KIF21A: variants seen among roughly 807,000 people sequenced by gnomAD.
KIF21A encodes the protein kinesin family member 21A, also known as kinesin-like protein KIF21A.
In KIF21A, 114 loss-of-function variants were observed where a neutral mutation model predicts 202.9. That is an observed-to-expected ratio of 0.56 (90% confidence interval 0.48 to 0.66). The LOEUF (loss-of-function observed/expected upper bound fraction) is 0.66, where lower values mean the gene tolerates loss of function less well. KIF21A is among the 30% of genes least tolerant of loss of function. The pLI is 0.00. For synonymous variants in KIF21A, 667 were observed against 670.8 expected (o/e 0.99, Z 0.09); for missense variants, 1,677 against 1,994.9 (o/e 0.84, Z 3.04).
intron 37 of KIF21A, among the ~76,000 whole-genome samples, chr12:39,295,980 G>A (rs1336271627): frequency 1.4e-5 from 2 of 144,674 alleles, no homozygotes; most frequent in Non-Finnish European, 1.5e-5. Context: ...TAACAGGCGT[G>A]AGCCACTGCG....
intron 28 of KIF21A, among the ~76,000 whole-genome samples, chr12:39,319,669 G>A (rs1305254950): frequency 6.6e-6 from 1 of 151,982 alleles, no homozygotes; most frequent in Non-Finnish European, 1.5e-5. Context: ...TAACTGGCAA[G>A]TAAGTAAGTG....
intron 37 of KIF21A, among the ~76,000 whole-genome samples, 184 bp downstream of exon 37, chr12:39,301,296 C>G (rs570840836): frequency 2.3e-4 from 35 of 152,186 alleles, no homozygotes; most frequent in African/African-American, 8.4e-4. Context: ...GTCATGTAAC[C>G]TGGGGTGCCT....
At position 39,294,416 on chromosome 12, in the gene KIF21A, A is replaced by G; in HGVS notation, c.*8T>C. The G allele has an allele frequency of 6.3e-7, 1 of 1,594,210 alleles. No individual in the cohort carries two copies. Among genetic ancestry groups the G allele is most frequent in the Non-Finnish European group, 8.6e-7 (1 of 1,161,898 alleles). On this transcript the variant is annotated 3_prime_UTR_variant, in exon 38 of 38. Coordinates refer to ENST00000361418, the MANE Select transcript of KIF21A (RefSeq NM_001173464.2). ...AGCATTCAGTTTACAACCTATCTTC[A>G]TTCATGTTTAATTACTGGCAATATC... is the stretch of plus-strand genomic sequence containing the variant.
chr12:39,414,253 C>G (rs1485528987), intron 1 of KIF21A, among the ~76,000 whole-genome samples: 1 of 152,128 alleles, frequency 6.6e-6, no homozygotes, highest in Admixed American at 6.5e-5. Flanking sequence ...GTCCTTTTTA[C>G]TCTCTCCTCC....
Position 39,303,011 on chromosome 12 carries a change from T to G in KIF21A, c.4685A>C (p.Asp1562Ala). ...QGDNLFSGSR[D>A]NGIKKWDLTQ... ...TAAGTCCCATTTCTTGATTCCATTA[T>G]CTCTAGACCCACTAAATAGGTTATC... Residue 1562 changes from aspartate (D) to alanine (A), a missense_variant, in exon 36 of 38, where the codon GAT (aspartate) becomes GCT (alanine). By Grantham distance (126) the Asp-to-Ala change is moderately radical. Around this residue, in one of 3 missense-constraint regions of KIF21A, gnomAD observed 705 missense variants for 791.9 expected, o/e 0.89. Transcript: ENST00000361418. 1 of 1,614,038 alleles carries G rather than the reference T, an allele frequency of 6.2e-7. No homozygotes were observed. Among genetic ancestry groups the G allele is most frequent in the Non-Finnish European group, 8.5e-7 (1 of 1,179,914 alleles).
chr12:39,329,554 G>A (rs1389102164), intron 24 of KIF21A, among the ~76,000 whole-genome samples: 1 of 151,654 alleles, frequency 6.6e-6, no homozygotes, highest in Non-Finnish European at 1.5e-5. Flanking sequence ...ATAAAAAAAA[G>A]AAGAGGAAGA....
rs1945411013 is a variant in KIF21A, at chr12:39,322,670, G to T, written c.3669C>A (p.Ser1223Arg). The T allele has an allele frequency of 6.2e-7, 1 of 1,613,184 alleles. No individual in the cohort carries two copies. Among genetic ancestry groups the T allele is most frequent in the Non-Finnish European group, 8.5e-7 (1 of 1,179,276 alleles). ...PPPGLPSKIG[S>R]ISRQSSLSEK... Reference sequence around the variant, plus strand: ...TAGTGTAGCTGGGCCAAACTTACATGCTGCCTATCTTAGAAGGTAAGCCAG... The same window carrying T: ...TAGTGTAGCTGGGCCAAACTTACATTCTGCCTATCTTAGAAGGTAAGCCAG... Residue 1223 changes from serine (S) to arginine (R), a missense_variant and splice_region_variant, in exon 27 of 38, where the codon AGC becomes AGA. Physicochemically the swap from Ser to Arg is moderately radical, Grantham distance 110. This residue lies in a region of KIF21A where 705 missense variants were observed against 791.9 expected (regional missense o/e 0.89). Transcript: ENST00000361418.
intron 1 of KIF21A, among the ~76,000 whole-genome samples, chr12:39,431,285 G>C (rs1275976505): frequency 6.6e-6 from 1 of 152,158 alleles, no homozygotes; most frequent in Non-Finnish European, 1.5e-5. Context: ...GACCCCAGTT[G>C]GGACAAAAGG....
Position 39,442,961 on chromosome 12 carries a change from C to A in KIF21A, c.10G>T (p.Ala4Ser), listed in dbSNP as rs2140543663. The change falls in exon 1 of 38, where the codon GCC becomes TCC. Residue 4 changes from alanine to serine, a missense_variant. Coordinates refer to ENST00000361418, the MANE Select transcript of KIF21A (RefSeq NM_001173464.2). The surrounding 1 kb of genome is among the most constrained non-coding windows in gnomAD (Gnocchi z 5.0). MLG[A>S]PDESSVRVAV... ...ACCCGCACGGAGCTCTCGTCCGGGG[C>A]GCCCAACATGCTGGCGGCGGGCAGC... 6.6e-7 allele frequency: 1 copy of A among 1,522,242 alleles called. No homozygotes were observed. The highest frequency in any genetic ancestry group is 8.8e-7 in the Non-Finnish European group (1 of 1,142,136). 94.3% of individuals were successfully genotyped at this position (1,522,242 alleles called of 1,614,324 possible).
At chr12:39,436,172 T>A (rs1237804825) in intron 1 of KIF21A, among the ~76,000 whole-genome samples, 2 of 151,852 alleles carry the variant, frequency 1.3e-5, no homozygotes, top group African/African-American at 4.8e-5. Flanking sequence ...GGGATTAAAA[T>A]TGTAGGTTAT....
intron 16 of KIF21A, among the ~76,000 whole-genome samples, chr12:39,339,770 T>A (rs1025460679): frequency 1.8e-4 from 27 of 151,022 alleles, no homozygotes; most frequent in African/African-American, 6.3e-4. Context: ...GGGAATATGA[T>A]CAGGAAGAGA....
intron 1 of KIF21A, among the ~76,000 whole-genome samples, chr12:39,441,660 T>TAAAAAAAAAGAAAAAAAAAAA (rs1939606078): frequency 2.6e-5 from 1 of 37,788 alleles, no homozygotes; most frequent in Non-Finnish European, 5.6e-5. Context: ...CCCTGGGTGG[T>TAAAAAAAAAGAAAAAAAAAAA]AAAAAAAAAA....
intron 1 of KIF21A, among the ~76,000 whole-genome samples, chr12:39,428,466 A>G (rs1954931197): frequency 6.6e-6 from 1 of 152,228 alleles, no homozygotes; most frequent in Non-Finnish European, 1.5e-5. Flanking sequence ...TTGTGTCAAC[A>G]ATCAAGACCC....
chr12:39,337,607 G>A (rs762028203), intron 16 of KIF21A: 10 of 199,226 alleles, frequency 5.0e-5, no homozygotes, highest in Non-Finnish European at 9.3e-5. Flanking sequence ...CCCACACAGC[G>A]TTTTAACAGT....
chr12:39,424,307 C>G (rs1954578593), intron 1 of KIF21A, among the ~76,000 whole-genome samples: 1 of 152,150 alleles, frequency 6.6e-6, no homozygotes, highest in African/African-American at 2.4e-5. Flanking sequence ...CCGCTCTTCT[C>G]CAGTATCCTT....
chr12:39,350,513 T>C (rs1948280269), intron 11 of KIF21A, among the ~76,000 whole-genome samples: 1 of 152,050 alleles, frequency 6.6e-6, no homozygotes, highest in South Asian at 2.1e-4. Flanking sequence ...AGTTAAGTGA[T>C]AAGTCATGTG....
Position 39,330,326 on chromosome 12 carries a change from A to T in KIF21A, c.3320-64T>A, listed in dbSNP as rs1592183361. On this transcript the variant is annotated intron_variant, in intron 23 of 37. Coordinates refer to ENST00000361418, the MANE Select transcript of KIF21A (RefSeq NM_001173464.2). ...CTCCAATCAAAACAGATCCAATGTT[A>T]AAAACTCCCACATAAAACAAGATTA... is the stretch of plus-strand genomic sequence containing the variant. 6 of 1,411,116 alleles carry T rather than the reference A, an allele frequency of 4.3e-6. No homozygotes were observed. The East Asian group carries it at 1.4e-4, about 32-fold the overall frequency. The allele number at this position is 1,411,116 out of a possible 1,614,324, so 87.4% of individuals were successfully genotyped here.
chr12:39,407,470 T>C (rs1312255460), intron 1 of KIF21A, among the ~76,000 whole-genome samples: 1 of 152,160 alleles, frequency 6.6e-6, no homozygotes, highest in African/African-American at 2.4e-5. Context: ...GTCAAAGACA[T>C]TAACAACTTA....
chr12:39,330,468 T>C (rs915648595), intron 23 of KIF21A, among the ~76,000 whole-genome samples: 1 of 152,202 alleles, frequency 6.6e-6, no homozygotes, highest in Non-Finnish European at 1.5e-5. Flanking sequence ...GTAATTTAGA[T>C]AACCAATACG....
Sources: allele counts gnomAD v4.1 joint callset (sites outside exome capture counted in the v4.1 genomes callset), GRCh38; gene constraint gnomAD v4.1.1; regional missense constraint gnomAD v4.1.1; non-coding constraint Gnocchi (gnomAD v3.1); transcripts MANE v1.5; gene names NCBI Gene and HGNC (gene_info 2026-07-23, HGNC 2026-07-21).